INPP4B: variants seen among roughly 807,000 people sequenced by gnomAD.
INPP4B encodes inositol polyphosphate-4-phosphatase type II B, also known as inositol polyphosphate 4-phosphatase type II.
Under a neutral mutation model 122.5 loss-of-function variants are expected in INPP4B, and 55 were observed. The observed-to-expected ratio is 0.45, with a 90% CI of 0.36 to 0.56. The LOEUF (loss-of-function observed/expected upper bound fraction) is 0.56, where lower values mean the gene tolerates loss of function less well. Ranked by LOEUF, INPP4B falls within the 20% of genes least tolerant of loss-of-function variation. INPP4B has a pLI of 0.00. For synonymous variants in INPP4B, 403 were observed against 388.7 expected, an observed-to-expected ratio of 1.04 and a Z score of -0.43; for missense variants, 1,000 against 1,097.7, an observed-to-expected ratio of 0.91 and a Z score of 1.26.
intron 2 of INPP4B, among the ~76,000 whole-genome samples, chr4:142,700,123 T>G (rs1761529902): frequency 6.6e-6 from 1 of 152,134 alleles, no homozygotes; most frequent in African/African-American, 2.4e-5. Flanking sequence ...TCCAATCCTT[T>G]CTTGAAACCA....
At chr4:142,720,911 T>C (rs2150839690) in intron 2 of INPP4B, among the ~76,000 whole-genome samples, 1 of 143,490 alleles carries the variant, frequency 7.0e-6, no homozygotes, top group South Asian at 2.3e-4. Context: ...TGTGTGTGTG[T>C]GTGTGTGTGT....
chr4:142,664,665 G>A (rs906108962), intron 2 of INPP4B, among the ~76,000 whole-genome samples: 16 of 151,386 alleles, frequency 1.1e-4, no homozygotes, highest in Non-Finnish European at 2.2e-4. Flanking sequence ...TAATTGAAAG[G>A]AAAGCATCAA....
At chr4:142,517,484 C>T (rs924293121) in intron 2 of INPP4B, among the ~76,000 whole-genome samples, 2 of 152,136 alleles carry the variant, frequency 1.3e-5, no homozygotes, top group African/African-American at 2.4e-5. Context: ...TAGTAAAATA[C>T]ATCCAGGAAA....
At chr4:142,467,833 T>C (rs1374088867) in intron 2 of INPP4B, 1 of 152,098 alleles carries the variant, frequency 6.6e-6, no homozygotes, top group Admixed American at 6.6e-5. Context: ...TGGAAGAGGA[T>C]CCGTCATGAA....
chr4:142,284,719 T>C (rs1006868827), intron 9 of INPP4B, among the ~76,000 whole-genome samples: 5 of 151,968 alleles, frequency 3.3e-5, no homozygotes, highest in African/African-American at 1.2e-4. Context: ...GGGTACAGTA[T>C]TAGCAAGGGT....
At chr4:142,405,625 TTTAA>T (rs1317085832) in intron 5 of INPP4B, among the ~76,000 whole-genome samples, 2 of 152,146 alleles carry the variant, frequency 1.3e-5, no homozygotes. Context: ...CCTCAGTGAC[TTTAA>T]TTAGCCATTA....
rs370828434 is a variant in INPP4B at position 142,260,578 on chromosome 4, T to TA, written c.616-15dup. On this transcript the variant is annotated splice_polypyrimidine_tract_variant and intron_variant, in intron 10 of 25. Coordinates refer to ENST00000262992, the MANE Select transcript of INPP4B (RefSeq NM_001101669.3). ...TACCAGGGCACACTAGGAAAAAATGTAAAAAAAAAAAAAAAATTTTGAGAA... is the reference window on the plus strand; with the variant it reads ...TACCAGGGCACACTAGGAAAAAATGTAAAAAAAAAAAAAAAAATTTTGAGAA... 0.09 allele frequency: 93,315 copies of TA among 1,034,812 alleles called. 150 individuals are homozygous for TA. Among genetic ancestry groups the TA allele is most frequent in the African/African-American group, 0.11 (6,020 of 55,148 alleles). The allele number at this position is 1,034,812 out of a possible 1,614,324, so 64.1% of individuals were successfully genotyped here.
At chr4:142,541,785 C>T (rs1292686970) in intron 2 of INPP4B, among the ~76,000 whole-genome samples, 1 of 152,144 alleles carries the variant, frequency 6.6e-6, no homozygotes, top group Non-Finnish European at 1.5e-5. Flanking sequence ...CCCCAGCACC[C>T]AGTTCCTGGA....
chr4:142,397,435 C>T (rs988499595), intron 7 of INPP4B, among the ~76,000 whole-genome samples: 2 of 152,110 alleles, frequency 1.3e-5, no homozygotes, highest in African/African-American at 4.8e-5. Flanking sequence ...TTTATTTGGA[C>T]AGTTTCAATT....
At chr4:142,150,984 A>T (rs980324568) in intron 17 of INPP4B, among the ~76,000 whole-genome samples, 7 of 152,204 alleles carry the variant, frequency 4.6e-5, no homozygotes, top group Non-Finnish European at 8.8e-5. Flanking sequence ...TATTTCCATG[A>T]ATAATTTCTC....
chr4:142,809,057 T>C (rs1319666797), intron 1 of INPP4B, among the ~76,000 whole-genome samples: 1 of 152,082 alleles, frequency 6.6e-6, no homozygotes, highest in Non-Finnish European at 1.5e-5. Context: ...ACCTTATCAG[T>C]AAATGGATTA....
At chr4:142,524,578 C>T (rs540575400) in intron 2 of INPP4B, among the ~76,000 whole-genome samples, 2 of 151,854 alleles carry the variant, frequency 1.3e-5, no homozygotes, top group East Asian at 3.9e-4. Flanking sequence ...CAAGGCTGGT[C>T]CAATATACGC....
chr4:142,228,478 CT>C, intron 12 of INPP4B, among the ~76,000 whole-genome samples: 1 of 151,948 alleles, frequency 6.6e-6, no homozygotes, highest in African/African-American at 2.4e-5. Context: ...GTTGTTGTCA[CT>C]GTTTAATTTT....
chr4:142,531,552 C>T (rs919664141), intron 2 of INPP4B, among the ~76,000 whole-genome samples: 4 of 152,046 alleles, frequency 2.6e-5, no homozygotes, highest in Non-Finnish European at 5.9e-5. Flanking sequence ...GAAATAATTT[C>T]TCTTTTCTGA....
At chr4:142,260,124 ACAGGCACGGGC>A in intron 11 of INPP4B, among the ~76,000 whole-genome samples, 1 of 152,254 alleles carries the variant, frequency 6.6e-6, no homozygotes, top group Middle Eastern at 3.4e-3. Context: ...TGCTGGGACT[ACAGGCACGGGC>A]CACCATGCCC....
chr4:142,494,086 T>C (rs563816737), intron 2 of INPP4B, among the ~76,000 whole-genome samples: 36 of 152,276 alleles, frequency 2.4e-4, no homozygotes, highest in African/African-American at 8.4e-4. Flanking sequence ...CTGCTGCCAT[T>C]TGAAGAAGAA....
At chr4:142,448,769 G>A (rs1813495793) in intron 3 of INPP4B, among the ~76,000 whole-genome samples, 1 of 152,048 alleles carries the variant, frequency 6.6e-6, no homozygotes, top group African/African-American at 2.4e-5. Context: ...CCAATAACAG[G>A]AATGTATCCT....
intron 2 of INPP4B, among the ~76,000 whole-genome samples, chr4:142,666,185 A>T (rs1256133443): frequency 6.6e-6 from 1 of 152,184 alleles, no homozygotes; most frequent in Non-Finnish European, 1.5e-5. Context: ...ATAAATCAAA[A>T]TATTAAGAAC....
chr4:142,111,277 C>T (rs751481322), intron 22 of INPP4B, among the ~76,000 whole-genome samples: 1 of 152,048 alleles, frequency 6.6e-6, no homozygotes, highest in Non-Finnish European at 1.5e-5. Context: ...AGGAACTTCT[C>T]CAGTCAGCCC....
Sources: gnomAD v4.1 joint callset for allele counts (sites outside exome capture counted in the v4.1 genomes callset) on GRCh38, gnomAD v4.1.1 for gene constraint, MANE v1.5 for transcripts, NCBI Gene and HGNC (gene_info 2026-07-23, HGNC 2026-07-21) for gene names.